The following GSDMD variants were observed in gnomAD, a reference collection of about 807,000 sequenced individuals.
GSDMD encodes gasdermin-D.
GSDMD carries 46 observed loss-of-function variants against 46.7 expected under a neutral mutation model. That is an observed-to-expected ratio of 0.99 (90% CI 0.78 to 1.26). GSDMD has a LOEUF of 1.26. GSDMD is among the 50% of genes most tolerant of loss of function. GSDMD has a pLI of 0.00. For missense variants in GSDMD, 649 were observed against 638.8 expected, an observed-to-expected ratio of 1.02 and a Z score of -0.17; for synonymous variants, 307 against 283.1, an observed-to-expected ratio of 1.08 and a Z score of -0.85.
Position 143,562,499 on chromosome 8 carries a change from CCCTGTTGGGGCCGCT to C in GSDMD, c.1192_1206del (p.Leu398_Leu402del). On this transcript the variant is annotated inframe_deletion, in exon 10 of 11. Coordinates refer to ENST00000262580, the MANE Select transcript of GSDMD (RefSeq NM_024736.7). Reference sequence around the variant, plus strand: ...CTGGCGGAGGCGCTGGAGTCGCAGACCCTGTTGGGGCCGCTCGAGCTGGTGAGAGGGTTGGGTTCG... The same window carrying C: ...CTGGCGGAGGCGCTGGAGTCGCAGACCGAGCTGGTGAGAGGGTTGGGTTCG... 6.2e-7 allele frequency: 1 copy of C among 1,608,360 alleles called. No individual in the cohort carries two copies. The highest frequency in any genetic ancestry group is 8.5e-7 in the Non-Finnish European group (1 of 1,179,628).
At chr8:143,559,080 C>T (rs1563904381) in intron 1 of GSDMD, 5 of 593,262 alleles carry the variant, frequency 8.4e-6, no homozygotes, top group Non-Finnish European at 1.2e-5. Context: ...CAGGTCTGGG[C>T]GTCAGGCCTC....
At chr8:143,557,336 G>GACAGATGCTGCCGCTATGA (rs1563902633), upstream of GSDMD, among the ~76,000 whole-genome samples, 24 of 38,912 alleles carry the variant, frequency 6.2e-4, no homozygotes, top group Admixed American at 1.2e-3. Context: ...TGCCGCTATG[G>GACAGATGCTGCCGCTATGA]TGAAGGATGC....
In GSDMD at chr8:143,562,665, G is replaced by A. The variant is rs928379321; in HGVS notation, c.1216G>A (p.Gly406Ser). The A allele has an allele frequency of 6.2e-7, 1 of 1,606,824 alleles. No homozygotes were observed. Among genetic ancestry groups the A allele is most frequent in the Admixed American group, 1.7e-5 (1 of 59,250 alleles). ...CACTCCTGCCCTGTCTTGGCAGGTG[G>A]GCAGCCTCTTGGAGCAGAGTGCCCC... ...QTLLGPLELV[G>S]SLLEQSAPWQ... Residue 406 changes from glycine (G) to serine (S), a missense_variant, in exon 11 of 11, where the codon GGC becomes AGC. By Grantham distance (56) the Gly-to-Ser change is moderately conservative. Transcript: ENST00000262580.
At position 143,559,810 on chromosome 8, in the gene GSDMD, A is replaced by C; in HGVS notation, c.251A>C (p.Asp84Ala). The part of the protein sequence containing the change: ...VQRGRSFHFY[D>A]AMDGQIQGSV... ...CGTGGCAGGAGCTTCCACTTCTACG[A>C]TGCCATGGATGGGCAGATACAGGGC... The change falls in exon 3 of 11, where the codon GAT (aspartate) becomes GCT (alanine). Residue 84 changes from aspartate (D) to alanine (A), a missense_variant. Asp to Ala is a moderately radical substitution (Grantham distance 126, BLOSUM62 -2). Coordinates refer to ENST00000262580, the MANE Select transcript of GSDMD (RefSeq NM_024736.7). 5 of 1,609,014 alleles carry C rather than the reference A, an allele frequency of 3.1e-6. No homozygotes were observed. The highest frequency in any genetic ancestry group is 4.2e-6 in the Non-Finnish European group (5 of 1,178,062).
upstream of GSDMD, among the ~76,000 whole-genome samples, chr8:143,554,334 C>T (rs562644402): frequency 6.6e-6 from 1 of 152,392 alleles, no homozygotes; most frequent in South Asian, 2.1e-4. Context: ...ACATGCCCTA[C>T]GTGAACACAA....
upstream of GSDMD, chr8:143,558,230 A>T: frequency 8.0e-7 from 1 of 1,254,758 alleles, no homozygotes; most frequent in South Asian, 1.6e-5. Context: ...GTTCCTCCGG[A>T]CGCGCGAGGC....
chr8:143,559,945 C>T lies in GSDMD; in HGVS notation c.386C>T (p.Thr129Ile). The part of the protein sequence containing the change: ...NVYSLSVDPN[T>I]WQTLLHERHL... Reference sequence around the variant, plus strand: ...TACTCGCTGAGTGTGGACCCTAACACCTGGCAGACTCTGCTCCATGAGAGG... The same window carrying T: ...TACTCGCTGAGTGTGGACCCTAACATCTGGCAGACTCTGCTCCATGAGAGG... The change falls in exon 3 of 11, where the codon ACC (threonine) becomes ATC (isoleucine). Residue 129 changes from threonine (T) to isoleucine (I), a missense_variant. Thr to Ile is a moderately conservative substitution (Grantham distance 89, BLOSUM62 -1). Coordinates refer to ENST00000262580, the MANE Select transcript of GSDMD (RefSeq NM_024736.7). 1 of 1,612,498 alleles carries T rather than the reference C, an allele frequency of 6.2e-7. No homozygotes were observed. The highest frequency in any genetic ancestry group is 8.5e-7 in the Non-Finnish European group (1 of 1,179,776).
chr8:143,556,607 C>T (rs1284388892), upstream of GSDMD, among the ~76,000 whole-genome samples: 4 of 152,366 alleles, frequency 2.6e-5, no homozygotes, highest in South Asian at 2.1e-4. Flanking sequence ...AGCAGGGACC[C>T]GCAGGGCACC....
In GSDMD at chr8:143,561,220, T is replaced by C; in HGVS notation, c.682+116T>C. ...GGGCCCCTGGCTGAACAACGTCCTG[T>C]GTCTGGCAGGTGGCTGAGGTCCTGT... On this transcript the variant is annotated intron_variant, in intron 5 of 10. Transcript: ENST00000262580. The C allele has an allele frequency of 9.7e-6, 12 of 1,235,472 alleles. No individual in the cohort carries two copies. In the South Asian group the frequency reaches 1.6e-4, roughly 16 times the overall value. The allele number at this position is 1,235,472 out of a possible 1,614,324, so 76.5% of individuals were successfully genotyped here. A position where few individuals can be genotyped will look rare whatever the true frequency, so the allele number is the denominator to read the frequency against.
At chr8:143,561,634 G>T in intron 6 of GSDMD, 108 bp from the exon 7 acceptor site, 2 of 1,024,670 alleles carry the variant, frequency 2.0e-6, no homozygotes, top group Non-Finnish European at 2.9e-6. Context: ...TGCCAGTGTT[G>T]GCAGTGGTGA....
At position 143,562,781 on chromosome 8, in the gene GSDMD, G is replaced by C; in HGVS notation, c.1332G>C (p.Glu444Asp). The stretch of plus-strand genomic sequence containing the variant: ...CACCGGCCTGGGTCTTGCTGGACGA[G>C]TGTGGCCTAGAGCTGGGGGAGGACA... The part of the protein sequence containing the change: ...EGAPAWVLLD[E>D]CGLELGEDTP... Residue 444 changes from glutamate to aspartate, a missense_variant, in exon 11 of 11, where the codon GAG (glutamate) becomes GAC (aspartate). Transcript: ENST00000262580. 1 of 1,594,768 alleles carries C rather than the reference G, an allele frequency of 6.3e-7. No individual in the cohort carries two copies. The highest frequency in any genetic ancestry group is 8.5e-7 in the Non-Finnish European group (1 of 1,171,138).
intron 7 of GSDMD, 61 bp from the exon 8 acceptor site, chr8:143,561,898 G>A: frequency 6.2e-7 from 1 of 1,608,236 alleles, no homozygotes; most frequent in South Asian, 1.1e-5. Flanking sequence ...TGCCTGTCCT[G>A]ACCGAGGCTT....
upstream of GSDMD, among the ~76,000 whole-genome samples, chr8:143,557,098 G>A (rs928086727): frequency 6.6e-6 from 1 of 152,246 alleles, no homozygotes; most frequent in Non-Finnish European, 1.5e-5. Context: ...CACGCCGTCC[G>A]CTCCGTGTGC....
chr8:143,562,997 A>T lies in GSDMD; in HGVS notation c.*93A>T. ...TAGGAAGGCCAGGAGCCCAGTAGCCATGTGGCCAGTCTACCATGGGGCCCA... is the reference window on the plus strand; with the variant it reads ...TAGGAAGGCCAGGAGCCCAGTAGCCTTGTGGCCAGTCTACCATGGGGCCCA... On this transcript the variant is annotated 3_prime_UTR_variant, in exon 11 of 11. Transcript: ENST00000262580. The T allele has an allele frequency of 1.3e-6, 2 of 1,516,166 alleles. No individual in the cohort carries two copies. The highest frequency in any genetic ancestry group is 1.8e-6 in the Non-Finnish European group (2 of 1,117,682). The allele number at this position is 1,516,166 out of a possible 1,614,324, so 93.9% of individuals were successfully genotyped here.
chr8:143,554,166 C>T (rs1823258125), upstream of GSDMD, among the ~76,000 whole-genome samples: 3 of 152,240 alleles, frequency 2.0e-5, no homozygotes, highest in South Asian at 6.2e-4. Flanking sequence ...CTTCCTGCAG[C>T]GGACAGCCAC....
intron 2 of GSDMD, 31 bp downstream of exon 2, chr8:143,559,583 A>T (rs4874151): frequency 9.4e-6 from 15 of 1,597,012 alleles, no homozygotes; most frequent in Middle Eastern, 3.3e-4. Context: ...GCAGAGCCCC[A>T]GGGAGGCTGG....
chr8:143,555,858 TCAGAAGTTCAAGA>T, upstream of GSDMD: 1 of 151,320 alleles, frequency 6.6e-6, no homozygotes, highest in East Asian at 2.0e-4. Context: ...TCACTTGAGC[TCAGAAGTTCAAGA>T]CCAGCCTGGG....
At chr8:143,561,217 C>T in intron 5 of GSDMD, 113 bp downstream of exon 5, 1 of 1,239,676 alleles carries the variant, frequency 8.1e-7, no homozygotes. Context: ...GAACAACGTC[C>T]TGTGTCTGGC....
chr8:143,554,635 G>A (rs778195310), upstream of GSDMD, among the ~76,000 whole-genome samples: 5 of 144,832 alleles, frequency 3.5e-5, no homozygotes, highest in Non-Finnish European at 6.0e-5. Flanking sequence ...ATAAACGCGC[G>A]CAAACGCACA....
Sources: gnomAD v4.1 joint callset for allele counts (sites outside exome capture counted in the v4.1 genomes callset) on GRCh38, gnomAD v4.1.1 for gene constraint, MANE v1.5 for transcripts, NCBI Gene and HGNC (gene_info 2026-07-23, HGNC 2026-07-21) for gene names.